SETD2: variants seen among roughly 807,000 people sequenced by gnomAD.
The protein encoded by SETD2 is SET domain containing 2, histone lysine methyltransferase.
SETD2 carries 31 observed loss-of-function variants against 242.1 expected under a neutral mutation model. The ratio of observed to expected loss-of-function variants is 0.13; its 90% CI spans 0.10 to 0.17. The LOEUF is 0.17. Among genes scored for constraint, SETD2 ranks in the 10% least tolerant of loss-of-function variants. The probability of loss-of-function intolerance (pLI) is 1.00; values close to 1 mark genes in which losing one functional copy is unlikely to be tolerated. For missense variants in SETD2, 2,481 were observed against 3,046.3 expected (o/e 0.81, Z 4.37); for synonymous variants, 1,006 against 1,066.5 (o/e 0.94, Z 1.11).
chr3:47,102,898 A>G (rs554216177), intron 7 of SETD2, among the ~76,000 whole-genome samples: 1 of 152,314 alleles, frequency 6.6e-6, no homozygotes, highest in African/African-American at 2.4e-5. Context: ...TACACACTGA[A>G]CTTTCAAAAT....
intron 17 of SETD2, among the ~76,000 whole-genome samples, chr3:47,040,946 A>T (rs2039250951): frequency 6.6e-6 from 1 of 152,166 alleles, no homozygotes; most frequent in African/African-American, 2.4e-5. Context: ...GTAAGCTGAC[A>T]ATATTTCTCA....
chr3:47,153,264 T>C (rs2044040656), intron 1 of SETD2, among the ~76,000 whole-genome samples: 1 of 152,248 alleles, frequency 6.6e-6, no homozygotes, highest in Non-Finnish European at 1.5e-5. Context: ...AACATTTTAT[T>C]ACACAATTTT....
In SETD2 at chr3:47,059,580, C is replaced by T. The variant is rs1466833552; in HGVS notation, c.6294-2090G>A. ...GACTACAATCATGTGCCACCACACC[C>T]GGGTAATCTTTGTATTTTTAGTAGA... On this transcript the variant is annotated intron_variant, in intron 14 of 20. Coordinates refer to ENST00000409792, the MANE Select transcript of SETD2 (RefSeq NM_014159.7). Among the ~76,000 whole-genome samples, 3 of 151,530 alleles carry T rather than the reference C, an allele frequency of 2.0e-5. No homozygotes were observed. In the East Asian group the frequency reaches 5.8e-4, roughly 29 times the overall value.
At chr3:47,103,988 T>C (rs189619870) in intron 6 of SETD2, among the ~76,000 whole-genome samples, 114 of 152,348 alleles carry the variant, frequency 7.5e-4, no homozygotes, top group Non-Finnish European at 1.4e-3. Context: ...AAGTGTGGGC[T>C]ATGTCACAAT....
At position 47,135,367 on chromosome 3, in the gene SETD2, C is replaced by T. The variant is rs140528427; in HGVS notation, c.72-8704G>A. ...TTGGCTCACTGCAACCTCTGCCTCCCGGGCTCAAGCTGTCCTCCCACTTCA... is the reference window on the plus strand; with the variant it reads ...TTGGCTCACTGCAACCTCTGCCTCCTGGGCTCAAGCTGTCCTCCCACTTCA... On this transcript the variant is annotated intron_variant, in intron 1 of 20. Transcript: ENST00000409792. 5.2e-3 allele frequency among the ~76,000 whole-genome samples: 794 copies of T among 152,270 alleles called. 8 individuals are homozygous for T. Among genetic ancestry groups the T allele is most frequent in the African/African-American group, 0.018 (760 of 41,542 alleles).
chr3:47,144,592 G>A (rs1166538102), intron 1 of SETD2, among the ~76,000 whole-genome samples: 1 of 152,130 alleles, frequency 6.6e-6, no homozygotes, highest in Non-Finnish European at 1.5e-5. Flanking sequence ...GCACTGAGCC[G>A]AGTTCGCACC....
chr3:47,087,842 G>A (rs1013908131), intron 10 of SETD2, among the ~76,000 whole-genome samples: 15 of 139,784 alleles, frequency 1.1e-4, no homozygotes, highest in African/African-American at 3.9e-4. Context: ...GGTGGCTGGC[G>A]CCTGTAATCC....
At chr3:47,076,035 A>C (rs1194514873) in intron 12 of SETD2, among the ~76,000 whole-genome samples, 1 of 152,254 alleles carries the variant, frequency 6.6e-6, no homozygotes, top group East Asian at 1.9e-4. Context: ...ACCAAGACAT[A>C]AGCAGTCTCT....
intron 12 of SETD2, 39 bp from the exon 13 acceptor site, chr3:47,067,157 G>A (rs1378906571): frequency 7.6e-6 from 11 of 1,455,412 alleles, no homozygotes; most frequent in Non-Finnish European, 9.6e-6. Flanking sequence ...ATTAGTGAGG[G>A]TGGAAATGGT....
chr3:47,042,752 C>A (rs2107540469), intron 16 of SETD2, 52 bp from the exon 17 acceptor site: 1 of 1,495,544 alleles, frequency 6.7e-7, no homozygotes, highest in Non-Finnish European at 9.0e-7. Flanking sequence ...CTTAATCTGG[C>A]TGAATAGGAC....
At chr3:47,056,702 A>G (rs2040096204) in intron 15 of SETD2, 119 bp downstream of exon 15, 2 of 750,912 alleles carry the variant, frequency 2.7e-6, no homozygotes, top group South Asian at 3.6e-5. Context: ...ACCAATACAT[A>G]TAAAGTTGAT....
chr3:47,146,974 CAG>C (rs2043870875), intron 1 of SETD2, among the ~76,000 whole-genome samples: 1 of 151,854 alleles, frequency 6.6e-6, no homozygotes. Context: ...TAGTGCCTGG[CAG>C]AGAGTTTATA....
intron 1 of SETD2, among the ~76,000 whole-genome samples, chr3:47,140,154 C>G (rs2043692774): frequency 6.6e-6 from 1 of 152,140 alleles, no homozygotes; most frequent in African/African-American, 2.4e-5. Flanking sequence ...TCAAATGTGT[C>G]ACTACGGAAT....
intron 15 of SETD2, among the ~76,000 whole-genome samples, chr3:47,049,172 G>T (rs966767096): frequency 6.6e-6 from 1 of 151,486 alleles, no homozygotes; most frequent in Non-Finnish European, 1.5e-5. Flanking sequence ...TTGAACTCTT[G>T]TGTTTGAGTG....
intron 16 of SETD2, 47 bp downstream of exon 16, chr3:47,046,440 G>C (rs779448523): frequency 1.6e-5 from 23 of 1,440,534 alleles, no homozygotes; most frequent in Non-Finnish European, 2.1e-5. Context: ...ACCTTCCAAA[G>C]ACAAAGTAGA....
intron 1 of SETD2, among the ~76,000 whole-genome samples, chr3:47,139,577 T>C (rs1346423470): frequency 2.6e-5 from 4 of 152,146 alleles, no homozygotes; most frequent in South Asian, 2.1e-4. Flanking sequence ...TTAACAACAG[T>C]ACTAGTTTTT....
At chr3:47,065,095 G>C (rs1162715036) in intron 13 of SETD2, among the ~76,000 whole-genome samples, 1 of 152,096 alleles carries the variant, frequency 6.6e-6, no homozygotes, top group Non-Finnish European at 1.5e-5. Context: ...GCTACTAATA[G>C]TTTTAACTCA....
Position 47,080,876 on chromosome 3 carries a change from G to A in SETD2, c.6060+2844C>T, listed in dbSNP as rs772233306. 1.6e-5 allele frequency: 16 copies of A among 986,732 alleles called. 1 individual carries two copies. The South Asian group carries it at 1.9e-4, about 12-fold the overall frequency. The allele number at this position is 986,732 out of a possible 1,614,324, so 61.1% of individuals were successfully genotyped here. ...TCGGCAATGGACGCACCAAAATAACGCCGGCGCCAGTGAGTTAACCACCTC... is the reference window on the plus strand; with the variant it reads ...TCGGCAATGGACGCACCAAAATAACACCGGCGCCAGTGAGTTAACCACCTC... On this transcript the variant is annotated intron_variant, in intron 12 of 20. Coordinates refer to ENST00000409792, the MANE Select transcript of SETD2 (RefSeq NM_014159.7).
intron 12 of SETD2, chr3:47,080,991 G>T: frequency 1.0e-6 from 1 of 986,814 alleles, no homozygotes; most frequent in South Asian, 4.7e-5. Context: ...CTAGGTTCTC[G>T]TTTTTCTTCA....
Sources: gnomAD v4.1 joint callset for allele counts (sites outside exome capture counted in the v4.1 genomes callset) on GRCh38, gnomAD v4.1.1 for gene constraint, MANE v1.5 for transcripts, NCBI Gene and HGNC (gene_info 2026-07-23, HGNC 2026-07-21) for gene names.